WDPCP: variants seen among roughly 807,000 people sequenced by gnomAD.
The protein encoded by WDPCP is WD repeat-containing and planar cell polarity effector protein fritz homolog.
A neutral mutation model predicts 93.1 loss-of-function variants in WDPCP; 71 were observed. That is an observed-to-expected ratio of 0.76 (90% CI 0.63 to 0.93). WDPCP has a LOEUF of 0.93. Ranked by LOEUF, WDPCP falls within the 40% of genes least tolerant of loss-of-function variation. WDPCP has a pLI of 0.00. For synonymous variants in WDPCP, 315 were observed against 315.0 expected (o/e 1.00, Z 0.00); for missense variants, 844 against 887.4 (o/e 0.95, Z 0.62).
At chr2:63,469,552 A>T (rs1357476784) in intron 6 of WDPCP, among the ~76,000 whole-genome samples, 2 of 152,252 alleles carry the variant, frequency 1.3e-5, no homozygotes, top group Non-Finnish European at 2.9e-5. Flanking sequence ...TTCCAGGAAC[A>T]TGGATAGCGC....
chr2:63,643,375 A>G lies in WDPCP; in HGVS notation n.488+7284T>C, dbSNP rs28626714. On this transcript the variant is annotated intron_variant and non_coding_transcript_variant, in intron 3 of 4. Coordinates refer to the WDPCP transcript ENST00000467687. ...AGTTCATGGTTTGTTGCTCTTGCCA[A>G]TAACAAAAATGTTGGAAAGGTGGGT... The G allele has an allele frequency of 9.1e-4, 333 of 365,574 alleles. 2 individuals carry two copies. The highest frequency in any genetic ancestry group is 6.6e-3 in the African/African-American group (306 of 46,314). 22.6% of individuals were successfully genotyped at this position (365,574 alleles called of 1,614,324 possible). A position where few individuals can be genotyped will look rare whatever the true frequency, so the allele number is the denominator to read the frequency against.
At chr2:63,625,756 T>A (rs567067395) in intron 3 of WDPCP, among the ~76,000 whole-genome samples, 1 of 152,126 alleles carries the variant, frequency 6.6e-6, no homozygotes, top group African/African-American at 2.4e-5. Flanking sequence ...AAAATGGCCA[T>A]ACTGCCTAAA....
At chr2:63,636,980 G>A (rs1449088686) in intron 3 of WDPCP, among the ~76,000 whole-genome samples, 1 of 152,174 alleles carries the variant, frequency 6.6e-6, no homozygotes, top group African/African-American at 2.4e-5. Flanking sequence ...AGAAGAAAAA[G>A]AGAAAAGCTC....
Position 63,280,647 on chromosome 2 carries a change from C to T in WDPCP, c.1813-21238G>A, listed in dbSNP as rs564297873. Among the ~76,000 whole-genome samples, 5 of 152,268 alleles carry T rather than the reference C, an allele frequency of 3.3e-5. No individual in the cohort carries two copies. In the South Asian group the frequency reaches 1.0e-3, roughly 32 times the overall value. Reference sequence around the variant, plus strand: ...AAAATAGGCACATAGACCAATGGAACAGAATAAATAACCCAGAAATAAAGG... The same window carrying T: ...AAAATAGGCACATAGACCAATGGAATAGAATAAATAACCCAGAAATAAAGG... On this transcript the variant is annotated intron_variant, in intron 13 of 17. Transcript: ENST00000272321.
At chr2:63,711,622 G>A (rs139283528) in intron 2 of WDPCP, 1,524 of 152,362 alleles carry the variant, frequency 0.01, 15 homozygotes, top group Non-Finnish European at 0.015. Flanking sequence ...AAATTAGTTG[G>A]GTCTGGTGGT....
intron 12 of WDPCP, among the ~76,000 whole-genome samples, chr2:63,338,563 A>T (rs1455432351): frequency 4.6e-5 from 4 of 86,468 alleles, no homozygotes; most frequent in African/African-American, 1.3e-4. Context: ...AAAAAAAAAA[A>T]AAAAAAATAT....
intron 2 of WDPCP, among the ~76,000 whole-genome samples, chr2:63,792,167 T>G (rs1446829628): frequency 6.6e-6 from 1 of 152,202 alleles, no homozygotes; most frequent in Non-Finnish European, 1.5e-5. Context: ...TATAAAGAAC[T>G]ACCCAAGACT....
chr2:63,599,261 C>T (rs1204829166), intron 3 of WDPCP: 3 of 1,613,810 alleles, frequency 1.9e-6, no homozygotes, highest in Non-Finnish European at 2.5e-6. Flanking sequence ...AGTTGCTTGA[C>T]TCGTTTGGAT....
intron 1 of WDPCP, among the ~76,000 whole-genome samples, chr2:63,568,916 T>A (rs554006061): frequency 6.6e-6 from 1 of 152,262 alleles, no homozygotes; most frequent in South Asian, 2.1e-4. Context: ...GGCTAGCAGA[T>A]ATTTAAGAAT....
chr2:63,431,507 G>T (rs970366191), intron 9 of WDPCP, among the ~76,000 whole-genome samples: 1 of 149,286 alleles, frequency 6.7e-6, no homozygotes, highest in East Asian at 2.0e-4. Flanking sequence ...AGAGCATATT[G>T]TATCTTTATT....
At position 63,549,193 on chromosome 2, in the gene WDPCP, T is replaced by C. The variant is rs554552641; in HGVS notation, c.75+39004A>G. On this transcript the variant is annotated intron_variant, in intron 1 of 17. Coordinates refer to ENST00000272321, the MANE Select transcript of WDPCP (RefSeq NM_015910.7). ...TGAACCTGGGAGGCGGAGGCTGCAG[T>C]GAGCCAGGATCCTGCCATTATACTT... is the stretch of plus-strand genomic sequence containing the variant. 1.5e-3 allele frequency among the ~76,000 whole-genome samples: 210 copies of C among 136,758 alleles called. 2 individuals are homozygous for C. The South Asian group carries it at 0.018, about 12-fold the overall frequency. The allele number at this position is 136,758 out of a possible 152,430, so 89.7% of individuals were successfully genotyped here. A position where few individuals can be genotyped will look rare whatever the true frequency, so the allele number is the denominator to read the frequency against.
intron 2 of WDPCP, among the ~76,000 whole-genome samples, 175 bp from the exon 3 acceptor site, chr2:63,487,669 A>T (rs1020849334): frequency 2.0e-5 from 3 of 152,078 alleles, no homozygotes; most frequent in Admixed American, 6.6e-5. Context: ...TTCTAGGGAT[A>T]TGCAGAAACT....
At chr2:63,746,665 G>A (rs1159306342) in intron 2 of WDPCP, among the ~76,000 whole-genome samples, 3 of 152,098 alleles carry the variant, frequency 2.0e-5, no homozygotes, top group African/African-American at 4.8e-5. Flanking sequence ...GATGAAACAC[G>A]CCCTAGTCTC....
At chr2:63,374,045 GT>G (rs1463080872) in intron 12 of WDPCP, among the ~76,000 whole-genome samples, 3 of 138,492 alleles carry the variant, frequency 2.2e-5, no homozygotes, top group Non-Finnish European at 4.6e-5. Flanking sequence ...GTTTCCACAA[GT>G]TTATGATTTT....
At chr2:63,732,310 T>A (rs1480287581) in intron 2 of WDPCP, among the ~76,000 whole-genome samples, 2 of 152,196 alleles carry the variant, frequency 1.3e-5, no homozygotes, top group African/African-American at 2.4e-5. Flanking sequence ...AAGACTAGGC[T>A]TATGCCCCAA....
chr2:63,677,225 C>T (rs1391333343), intron 2 of WDPCP, among the ~76,000 whole-genome samples: 1 of 152,132 alleles, frequency 6.6e-6, no homozygotes, highest in African/African-American at 2.4e-5. Flanking sequence ...TATCACTAGG[C>T]CCATTCCCTT....
chr2:63,404,050 A>C lies in WDPCP; in HGVS notation c.1433T>G (p.Leu478Arg). The C allele has an allele frequency of 6.2e-7, 1 of 1,614,050 alleles. No homozygotes were observed. The highest frequency in any genetic ancestry group is 8.5e-7 in the Non-Finnish European group (1 of 1,179,952). Residue 478 changes from leucine (L) to arginine (R), a missense_variant and splice_region_variant, in exon 10 of 18, where the codon CTA (leucine) becomes CGA (arginine). Coordinates refer to ENST00000272321, the MANE Select transcript of WDPCP (RefSeq NM_015910.7). ...RGPLGVLLFKLGVFTRGQLGL... is the reference protein window; with the variant it reads ...RGPLGVLLFKRGVFTRGQLGL... ...ACTCATCACTTTCCTTGACTTACCT[A>C]GTTTAAACAACAGCACACCCAAAGG...
chr2:63,746,772 T>C (rs1369039872), intron 2 of WDPCP, among the ~76,000 whole-genome samples: 13 of 152,304 alleles, frequency 8.5e-5, no homozygotes, highest in Admixed American at 8.5e-4. Flanking sequence ...AAGATGTTTA[T>C]CAATGATAAT....
At chr2:63,233,992 A>T (rs1157171987) in intron 14 of WDPCP, among the ~76,000 whole-genome samples, 2 of 152,164 alleles carry the variant, frequency 1.3e-5, no homozygotes, top group Non-Finnish European at 1.5e-5. Context: ...GCTTAGGGTA[A>T]AAAGACCTAT....
Sources: gnomAD v4.1 joint callset for allele counts (sites outside exome capture counted in the v4.1 genomes callset) on GRCh38, gnomAD v4.1.1 for gene constraint, MANE v1.5 for transcripts, NCBI Gene and HGNC (gene_info 2026-07-23, HGNC 2026-07-21) for gene names.